KIF13A: variants seen among roughly 807,000 people sequenced by gnomAD.
KIF13A encodes the protein kinesin family member 13A.
Under a neutral mutation model 212.2 loss-of-function variants are expected in KIF13A, and 79 were observed. That is an observed-to-expected ratio of 0.37 (90% CI 0.31 to 0.45). KIF13A has a LOEUF of 0.45. Among genes scored for constraint, KIF13A ranks in the 20% least tolerant of loss-of-function variants. The probability of loss-of-function intolerance (pLI) is 1.00; values close to 1 mark genes in which losing one functional copy is unlikely to be tolerated. For synonymous variants in KIF13A, 789 were observed against 808.6 expected, an observed-to-expected ratio of 0.98 and a Z score of 0.41; for missense variants, 1,901 against 2,209.0, an observed-to-expected ratio of 0.86 and a Z score of 2.79.
At chr6:17,889,570 T>C (rs1418220535) in intron 3 of KIF13A, among the ~76,000 whole-genome samples, 1 of 152,260 alleles carries the variant, frequency 6.6e-6, no homozygotes, top group East Asian at 1.9e-4. Flanking sequence ...AGATTCTTTC[T>C]TCTTACTCTT....
chr6:17,947,794 T>C lies in KIF13A; in HGVS notation c.146+39260A>G, dbSNP rs1167147914. Among the ~76,000 whole-genome samples the C allele has an allele frequency of 3.3e-5, 5 of 152,274 alleles. No homozygotes were observed. The highest frequency in any genetic ancestry group is 1.2e-4 in the African/African-American group (5 of 41,550). ...AAGTGGAGGTTGCAGTGAGCCGAGATTGCGCCATTGCGCTCCAGCCTGTGT... is the reference window on the plus strand; with the variant it reads ...AAGTGGAGGTTGCAGTGAGCCGAGACTGCGCCATTGCGCTCCAGCCTGTGT... On this transcript the variant is annotated intron_variant, in intron 2 of 38. Coordinates refer to ENST00000259711, the MANE Select transcript of KIF13A (RefSeq NM_022113.6). This position sits in a 1 kb window ranked among gnomAD's most constrained non-coding sequence, Gnocchi z 4.6.
At chr6:17,927,533 T>C (rs1032697498) in intron 2 of KIF13A, among the ~76,000 whole-genome samples, 14 of 152,152 alleles carry the variant, frequency 9.2e-5, no homozygotes, top group African/African-American at 3.4e-4. Flanking sequence ...AATAAGGAGT[T>C]ATTTAATGGG....
intron 2 of KIF13A, among the ~76,000 whole-genome samples, chr6:17,974,445 C>T (rs1270940774): frequency 6.6e-6 from 1 of 152,194 alleles, no homozygotes; most frequent in African/African-American, 2.4e-5. Flanking sequence ...CAACAGCCAA[C>T]CATGTGCGTT....
chr6:17,944,748 G>A (rs774006638), intron 2 of KIF13A, among the ~76,000 whole-genome samples: 19 of 152,100 alleles, frequency 1.2e-4, no homozygotes, highest in South Asian at 2.1e-4. Flanking sequence ...TTATCTTTGC[G>A]TCTGATTATT....
intron 3 of KIF13A, among the ~76,000 whole-genome samples, chr6:17,889,184 CCTTA>C (rs1162800689): frequency 2.0e-5 from 3 of 152,140 alleles, no homozygotes; most frequent in Non-Finnish European, 4.4e-5. Flanking sequence ...AAGGTTTCCC[CCTTA>C]CTTTTTCTGA....
chr6:17,880,840 G>A (rs1318283069), intron 3 of KIF13A, among the ~76,000 whole-genome samples: 2 of 151,688 alleles, frequency 1.3e-5, no homozygotes, highest in Non-Finnish European at 2.9e-5. Context: ...AGTTAGTATC[G>A]AACTCCTGAC....
At chr6:17,819,168 T>G (rs1311805719) in intron 16 of KIF13A, among the ~76,000 whole-genome samples, 1 of 151,846 alleles carries the variant, frequency 6.6e-6, no homozygotes. Context: ...CCAGGCTAAT[T>G]TTTTGTATTT....
chr6:17,805,369 CCGTGTGTGTGTGTGTGTG>C (rs1017285750), intron 19 of KIF13A, 88 bp downstream of exon 19: 1 of 657,638 alleles, frequency 1.5e-6, no homozygotes, highest in Non-Finnish European at 2.3e-6. Flanking sequence ...GAGCACATCT[CCGTGTGTGTGTGTGTGTG>C]TGTGTGTGTG....
intron 2 of KIF13A, among the ~76,000 whole-genome samples, chr6:17,979,287 C>T (rs1230933104): frequency 1.3e-5 from 2 of 151,944 alleles, no homozygotes; most frequent in South Asian, 2.1e-4. Flanking sequence ...AACGAGACTC[C>T]ATCTAAAAAA....
chr6:17,961,476 GTA>G lies in KIF13A; in HGVS notation c.146+25576_146+25577del, dbSNP rs1010831767. Reference sequence around the variant, plus strand: ...TTCTCCCCGAATTAGGTTGGACCATGTAGAGTCAAATTGAACTTTTAATATTT... The same window carrying G: ...TTCTCCCCGAATTAGGTTGGACCATGGAGTCAAATTGAACTTTTAATATTT... On this transcript the variant is annotated intron_variant, in intron 2 of 38. Transcript: ENST00000259711. This position sits in a 1 kb window ranked among gnomAD's most constrained non-coding sequence, Gnocchi z 4.1. Among the ~76,000 whole-genome samples the G allele has an allele frequency of 3.3e-4, 50 of 152,344 alleles. No individual in the cohort carries two copies. Among genetic ancestry groups the G allele is most frequent in the African/African-American group, 1.2e-3 (50 of 41,580 alleles).
intron 3 of KIF13A, among the ~76,000 whole-genome samples, chr6:17,885,735 C>G (rs746086089): frequency 1.6e-4 from 24 of 152,190 alleles, no homozygotes; most frequent in Non-Finnish European, 3.1e-4. Context: ...TATAACAGCA[C>G]AGAGCTTCCA....
chr6:17,814,399 CG>C (rs1015440966), intron 17 of KIF13A, among the ~76,000 whole-genome samples: 1 of 151,830 alleles, frequency 6.6e-6, no homozygotes, highest in African/African-American at 2.4e-5. Context: ...TAGGTGCCCA[CG>C]ACCGCACCTG....
chr6:17,861,880 G>T, intron 4 of KIF13A, among the ~76,000 whole-genome samples: 1 of 152,068 alleles, frequency 6.6e-6, no homozygotes, highest in East Asian at 1.9e-4. Flanking sequence ...AAAGCTCCTG[G>T]TCTTTCATAT....
Position 17,805,645 on chromosome 6 carries a change from C to G in KIF13A, c.2164-30G>C, listed in dbSNP as rs766397380. ...ATAAGGAAGAAAAACAAAACAAACC[C>G]TGTTATAACTCCTTTTTCGATTGCT... On this transcript the variant is annotated intron_variant, in intron 18 of 38. Transcript: ENST00000259711. The G allele has an allele frequency of 1.9e-6, 3 of 1,560,772 alleles. No individual in the cohort carries two copies. The South Asian group carries it at 3.5e-5, about 18-fold the overall frequency.
In KIF13A at chr6:17,783,722, T is replaced by C. The variant is rs1265028016; in HGVS notation, c.3489-21A>G. The C allele has an allele frequency of 2.7e-6, 4 of 1,465,194 alleles. No individual in the cohort carries two copies. Among genetic ancestry groups the C allele is most frequent in the African/African-American group, 1.4e-5 (1 of 71,432 alleles). The allele number at this position is 1,465,194 out of a possible 1,614,324, so 90.8% of individuals were successfully genotyped here. On this transcript the variant is annotated intron_variant, in intron 28 of 38. Transcript: ENST00000259711. The surrounding 1 kb of genome is among the most constrained non-coding windows in gnomAD (Gnocchi z 4.3). ...GGATCCTAAATTTAATAACAACATT[T>C]AATCATAACAAAATATGTATTTTAC...
In KIF13A at chr6:17,963,425, A is replaced by C. The variant is rs1779020768; in HGVS notation, c.146+23629T>G. On this transcript the variant is annotated intron_variant, in intron 2 of 38. Coordinates refer to ENST00000259711, the MANE Select transcript of KIF13A (RefSeq NM_022113.6). The surrounding 1 kb of genome is among the most constrained non-coding windows in gnomAD (Gnocchi z 4.1). Reference sequence around the variant, plus strand: ...AAGAGCAAAACTCCAACTCAAAAAAAATAAATAAATAAAAATAGAAGAGCA... The same window carrying C: ...AAGAGCAAAACTCCAACTCAAAAAACATAAATAAATAAAAATAGAAGAGCA... Among the ~76,000 whole-genome samples, 1 of 152,218 alleles carries C rather than the reference A, an allele frequency of 6.6e-6. No individual in the cohort carries two copies. Among genetic ancestry groups the C allele is most frequent in the South Asian group, 2.1e-4 (1 of 4,834 alleles).
In KIF13A at chr6:17,764,787, C is replaced by T. The variant is rs762457372; in HGVS notation, c.4741G>A (p.Val1581Ile). The change falls in exon 39 of 39, where the codon GTC becomes ATC. Residue 1581 changes from valine (V) to isoleucine (I), a missense_variant. Val to Ile is a conservative substitution (Grantham distance 29, BLOSUM62 3). This residue lies in a region of KIF13A where 687 missense variants were observed against 759.1 expected (regional missense o/e 0.90). Transcript: ENST00000259711. This position sits in a 1 kb window ranked among gnomAD's most constrained non-coding sequence, Gnocchi z 5.1. ...SSKVDLSNSRVLEKEVSRSPT... is the reference protein window; with the variant it reads ...SSKVDLSNSRILEKEVSRSPT... ...CTACGGGACACTTCTTTCTCCAAGA[C>T]CCGTGAGTTTGACAGATCTACTTTA... 9.9e-6 allele frequency: 16 copies of T among 1,613,148 alleles called. No homozygotes were observed. Among genetic ancestry groups the T allele is most frequent in the Non-Finnish European group, 1.0e-5 (12 of 1,179,598 alleles).
Position 17,769,974 on chromosome 6 carries a change from G to A in KIF13A, c.4581+1140C>T, listed in dbSNP as rs78948255. Among the ~76,000 whole-genome samples the A allele has an allele frequency of 1.3e-5, 2 of 152,132 alleles. No homozygotes were observed. Among genetic ancestry groups the A allele is most frequent in the African/African-American group, 4.8e-5 (2 of 41,414 alleles). ...GGAGGGGAAGAGGGATGAAGAAATA[G>A]AGGGAAAATGGTGCTTTTCTTCTTT... On this transcript the variant is annotated intron_variant, in intron 38 of 38. Coordinates refer to ENST00000259711, the MANE Select transcript of KIF13A (RefSeq NM_022113.6). This position sits in a 1 kb window ranked among gnomAD's most constrained non-coding sequence, Gnocchi z 5.8.
chr6:17,852,053 G>C lies in KIF13A; in HGVS notation c.495-11C>G. 7.2e-7 allele frequency: 1 copy of C among 1,394,288 alleles called. No homozygotes were observed. The highest frequency in any genetic ancestry group is 9.5e-7 in the Non-Finnish European group (1 of 1,048,208). The allele number at this position is 1,394,288 out of a possible 1,614,324, so 86.4% of individuals were successfully genotyped here. On this transcript the variant is annotated splice_polypyrimidine_tract_variant and intron_variant, in intron 6 of 38. Coordinates refer to ENST00000259711, the MANE Select transcript of KIF13A (RefSeq NM_022113.6). ...AGAGACTGTCTACTCCTGCGGGAGGGAGGAAAAAGGAATAAATGAATCACA... is the reference window on the plus strand; with the variant it reads ...AGAGACTGTCTACTCCTGCGGGAGGCAGGAAAAAGGAATAAATGAATCACA...
Sources: gnomAD v4.1 joint callset for allele counts (sites outside exome capture counted in the v4.1 genomes callset) on GRCh38, gnomAD v4.1.1 for gene constraint, gnomAD v4.1.1 regional missense constraint, Gnocchi (gnomAD v3.1) non-coding constraint, MANE v1.5 for transcripts, NCBI Gene and HGNC (gene_info 2026-07-23, HGNC 2026-07-21) for gene names.